ZNF440: variants seen among roughly 807,000 people sequenced by gnomAD.
The protein encoded by ZNF440 is zinc finger protein 440.
ZNF440 carries 47 observed loss-of-function variants against 49.7 expected under a neutral mutation model. That is an observed-to-expected ratio of 0.95 (90% confidence interval 0.75 to 1.21). The LOEUF is 1.21. ZNF440 is among the 50% of genes most tolerant of loss of function. ZNF440 has a pLI of 0.00. For synonymous variants in ZNF440, 255 were observed against 237.7 expected (o/e 1.07, Z -0.67); for missense variants, 703 against 715.0 (o/e 0.98, Z 0.19).
chr19:11,826,368 T>G (rs959517533), intron 1 of ZNF440, among the ~76,000 whole-genome samples: 1 of 152,148 alleles, frequency 6.6e-6, no homozygotes, highest in African/African-American at 2.4e-5. Context: ...TTTTGGCAGT[T>G]ATGAGTAAGG....
chr19:11,822,392 G>C lies in ZNF440; in HGVS notation c.4-7891G>C, dbSNP rs561999716. Among the ~76,000 whole-genome samples, 15 of 152,296 alleles carry C rather than the reference G, an allele frequency of 9.8e-5. No homozygotes were observed. The South Asian group carries it at 2.5e-3, about 25-fold the overall frequency. On this transcript the variant is annotated intron_variant, in intron 1 of 3. Coordinates refer to ENST00000304060, the MANE Select transcript of ZNF440 (RefSeq NM_152357.3). ...ATAATTATAAGAACTCAGTATAAGA[G>C]GCAACTCTAGAATTAATTAAATTAT...
In ZNF440 at chr19:11,831,799, C is replaced by G. The variant is rs547299114; in HGVS notation, c.623C>G (p.Ala208Gly). Residue 208 changes from alanine to glycine, a missense_variant, in exon 4 of 4, where the codon GCA becomes GGA. Transcript: ENST00000304060. ...GPYKCKFCGK[A>G]FHCLRLYLIH... Reference sequence around the variant, plus strand: ...TATAAATGTAAGTTTTGTGGGAAAGCATTCCATTGTCTCAGATTATATCTT... The same window carrying G: ...TATAAATGTAAGTTTTGTGGGAAAGGATTCCATTGTCTCAGATTATATCTT... 262 of 1,609,320 alleles carry G rather than the reference C, an allele frequency of 1.6e-4. No individual in the cohort carries two copies. The African/African-American group carries it at 2.9e-3, about 18-fold the overall frequency.
intron 1 of ZNF440, among the ~76,000 whole-genome samples, chr19:11,827,302 A>G (rs2685665): frequency 0.38 from 57,330 of 151,596 alleles, 11,210 homozygotes; most frequent in African/African-American, 0.46. Flanking sequence ...GACCTCGGTG[A>G]TCCACCCGTC....
At chr19:11,828,234 C>G (rs1440234695) in intron 1 of ZNF440, among the ~76,000 whole-genome samples, 1 of 152,164 alleles carries the variant, frequency 6.6e-6, no homozygotes, top group African/African-American at 2.4e-5. Context: ...CACTCTGTTG[C>G]CCCGGCTGGA....
Position 11,832,310 on chromosome 19 carries a change from T to A in ZNF440, c.1134T>A (p.Pro378=), listed in dbSNP as rs1276793459. 6.2e-7 allele frequency: 1 copy of A among 1,614,078 alleles called. No homozygotes were observed. The highest frequency in any genetic ancestry group is 1.7e-5 in the Admixed American group (1 of 60,014). ...YKCKQCGKAF[P]HSSSLRYHER... ...GTAAGCAGTGTGGTAAAGCCTTCCC[T>A]CATTCCAGTTCCCTTCGATATCATG... is the stretch of plus-strand genomic sequence containing the variant. The change falls in exon 4 of 4, where the codon CCT becomes CCA. Residue 378 remains proline, a synonymous_variant. Transcript: ENST00000304060.
chr19:11,832,613 T>C lies in ZNF440; in HGVS notation c.1437T>C (p.Thr479=), dbSNP rs1174484952. The part of the protein sequence containing the change: ...CPKSFQRHEK[T]HTGEKLYECK... ...AATCATTTCAAAGACATGAAAAAAC[T>C]CACACTGGAGAGAAACTCTATGAAT... Residue 479 remains threonine, a synonymous_variant, in exon 4 of 4, where the codon ACT becomes ACC. Transcript: ENST00000304060. 3 of 1,613,206 alleles carry C rather than the reference T, an allele frequency of 1.9e-6. No homozygotes were observed. In the South Asian group the frequency reaches 3.3e-5, roughly 18 times the overall value.
intron 3 of ZNF440, 135 bp from the exon 4 acceptor site, chr19:11,831,233 C>T: frequency 8.1e-7 from 1 of 1,233,320 alleles, no homozygotes; most frequent in Non-Finnish European, 1.1e-6. Context: ...TGTCCAGTCA[C>T]CTTCAAACAA....
At chr19:11,823,165 G>A (rs1395427173) in intron 1 of ZNF440, among the ~76,000 whole-genome samples, 1 of 152,140 alleles carries the variant, frequency 6.6e-6, no homozygotes, top group African/African-American at 2.4e-5. Context: ...GTTTCTTCAT[G>A]TGACAGAGGA....
chr19:11,820,431 G>A (rs1975785410), intron 1 of ZNF440, among the ~76,000 whole-genome samples: 1 of 152,098 alleles, frequency 6.6e-6, no homozygotes, highest in African/African-American at 2.4e-5. Flanking sequence ...TATTAGTCAG[G>A]ATGTTCTCGA....
chr19:11,832,116 T>A lies in ZNF440; in HGVS notation c.940T>A (p.Cys314Ser), dbSNP rs764034646. The A allele has an allele frequency of 6.2e-7, 1 of 1,614,208 alleles. No homozygotes were observed. Among genetic ancestry groups the A allele is most frequent in the Admixed American group, 1.7e-5 (1 of 60,028 alleles). Reference protein sequence around the residue: ...RTHSRKNLYECKQCGKALSSL... With the variant: ...RTHSRKNLYESKQCGKALSSL... ...CCACTCTAGGAAAAATCTCTATGAA[T>A]GTAAGCAGTGTGGGAAAGCATTATC... Residue 314 changes from cysteine (C) to serine (S), a missense_variant, in exon 4 of 4, where the codon TGT becomes AGT. Transcript: ENST00000304060.
At position 11,832,664 on chromosome 19, in the gene ZNF440, A is replaced by C. The variant is rs201029599; in HGVS notation, c.1488A>C (p.Ser496=). The change falls in exon 4 of 4, where the codon TCA becomes TCC. Residue 496 remains serine, a synonymous_variant. Transcript: ENST00000304060. ...YECKQRSVVP[S]VVPVPFDIMK... ...GCAAGCAACGTTCAGTAGTTCCTTC[A>C]GTAGTTCCAGTTCCTTTTGATATCA... The C allele has an allele frequency of 6.2e-7, 1 of 1,613,662 alleles. No homozygotes were observed. The highest frequency in any genetic ancestry group is 1.7e-5 in the Admixed American group (1 of 59,968).
chr19:11,815,214 T>C (rs1420008012), intron 1 of ZNF440, among the ~76,000 whole-genome samples: 1 of 148,988 alleles, frequency 6.7e-6, no homozygotes, highest in Non-Finnish European at 1.5e-5. Flanking sequence ...GAGGTGGAGC[T>C]TGCAGTGAGC....
At chr19:11,815,367 TC>T (rs937775652) in intron 1 of ZNF440, among the ~76,000 whole-genome samples, 10 of 151,142 alleles carry the variant, frequency 6.6e-5, no homozygotes, top group Admixed American at 6.6e-4. Context: ...ACAGGGACTG[TC>T]CGTTACTAGG....
At chr19:11,824,182 CAAA>C (rs200865473) in intron 1 of ZNF440, among the ~76,000 whole-genome samples, 5 of 60,006 alleles carry the variant, frequency 8.3e-5, no homozygotes, top group Non-Finnish European at 1.0e-4. Flanking sequence ...TACCCTGTTT[CAAA>C]AAAAAAAAAA....
rs1875199122 is a variant in ZNF440 at position 11,833,894 on chromosome 19, CAATT to C, written c.*933_*936del. ...TTTGAATACAGATAATGAATGTAAACAATTAACTGTTTATAATAACTGTATACTA... is the reference window on the plus strand; with the variant it reads ...TTTGAATACAGATAATGAATGTAAACAACTGTTTATAATAACTGTATACTA... On this transcript the variant is annotated 3_prime_UTR_variant, in exon 4 of 4. Transcript: ENST00000304060. 2.6e-6 allele frequency: 1 copy of C among 377,362 alleles called. No individual in the cohort carries two copies. The highest frequency in any genetic ancestry group is 4.9e-6 in the Non-Finnish European group (1 of 203,966). The allele number at this position is 377,362 out of a possible 1,614,324, so 23.4% of individuals were successfully genotyped here.
Position 11,830,673 on chromosome 19 carries a change from T to A in ZNF440, c.187T>A (p.Phe63Ile). 6.2e-7 allele frequency: 1 copy of A among 1,613,866 alleles called. No homozygotes were observed. Among genetic ancestry groups the A allele is most frequent in the Non-Finnish European group, 8.5e-7 (1 of 1,179,868 alleles). ...TGAGCACCAAAACCCCAGGAGAAAC[T>A]TCAGGTAATTTGTACTTACAAGACA... ...EYEHQNPRRNFRSLIEEKVNE... is the reference protein window; with the variant it reads ...EYEHQNPRRNIRSLIEEKVNE... The change falls in exon 3 of 4, where the codon TTC becomes ATC. Residue 63 changes from phenylalanine (F) to isoleucine (I), a missense_variant. Coordinates refer to ENST00000304060, the MANE Select transcript of ZNF440 (RefSeq NM_152357.3).
Position 11,831,571 on chromosome 19 carries a change from A to G in ZNF440, c.395A>G (p.Lys132Arg). 1 of 1,614,166 alleles carries G rather than the reference A, an allele frequency of 6.2e-7. No individual in the cohort carries two copies. The highest frequency in any genetic ancestry group is 8.5e-7 in the Non-Finnish European group (1 of 1,180,014). The change falls in exon 4 of 4, where the codon AAG (lysine) becomes AGG (arginine). Residue 132 changes from lysine to arginine, a missense_variant. Lys to Arg is a conservative substitution (Grantham distance 26). Coordinates refer to ENST00000304060, the MANE Select transcript of ZNF440 (RefSeq NM_152357.3). The part of the protein sequence containing the change: ...NMNIRGDIGH[K>R]AYEYQEYGPK... ...AACATCAGAGGTGACATTGGACACA[A>G]GGCATATGAGTATCAGGAATATGGA...
At chr19:11,819,057 C>T (rs1975766955) in intron 1 of ZNF440, among the ~76,000 whole-genome samples, 1 of 152,070 alleles carries the variant, frequency 6.6e-6, no homozygotes, top group Admixed American at 6.6e-5. Context: ...CCTGTAACCC[C>T]AGCACTTTGG....
chr19:11,814,512 G>A, intron 1 of ZNF440, 62 bp downstream of exon 1: 3 of 1,428,000 alleles, frequency 2.1e-6, no homozygotes, highest in Non-Finnish European at 1.8e-6. Flanking sequence ...GCCGGAACCG[G>A]CTGAGGCGGG....
Sources: gnomAD v4.1 joint callset for allele counts (sites outside exome capture counted in the v4.1 genomes callset) on GRCh38, gnomAD v4.1.1 for gene constraint, MANE v1.5 for transcripts, NCBI Gene and HGNC (gene_info 2026-07-23, HGNC 2026-07-21) for gene names.